Variants in SLCO4C1 observed in about 807,000 individuals in gnomAD.
SLCO4C1 encodes organic anion transporter M1.
SLCO4C1 carries 58 observed loss-of-function variants against 72.1 expected under a neutral mutation model. The observed-to-expected ratio is 0.80, with a 90% CI of 0.65 to 1.00. The LOEUF is 1.00. Ranked by LOEUF, SLCO4C1 falls within the 50% of genes least tolerant of loss-of-function variation. The probability of loss-of-function intolerance (pLI) is 0.00; values close to 1 mark genes in which losing one functional copy is unlikely to be tolerated. For missense variants in SLCO4C1, 898 were observed against 857.9 expected (o/e 1.05, Z -0.58); for synonymous variants, 297 against 312.5 (o/e 0.95, Z 0.52).
chr5:102,245,691 G>T (rs937414491), intron 10 of SLCO4C1, among the ~76,000 whole-genome samples: 1 of 152,186 alleles, frequency 6.6e-6, no homozygotes, highest in African/African-American at 2.4e-5. Flanking sequence ...AGACCAAATG[G>T]ATCTAATAGA....
chr5:102,267,532 T>G (rs1749063008), intron 3 of SLCO4C1, among the ~76,000 whole-genome samples: 3 of 151,798 alleles, frequency 2.0e-5, no homozygotes, highest in Non-Finnish European at 2.9e-5. Flanking sequence ...AGCAAATGGC[T>G]TTATTTTATC....
intron 1 of SLCO4C1, among the ~76,000 whole-genome samples, chr5:102,295,101 T>C (rs992375811): frequency 1.3e-5 from 2 of 152,180 alleles, no homozygotes; most frequent in African/African-American, 4.8e-5. Flanking sequence ...AACCTCTGTA[T>C]TGAACACACC....
At chr5:102,240,248 T>C (rs910601947) in intron 11 of SLCO4C1, among the ~76,000 whole-genome samples, 3 of 152,150 alleles carry the variant, frequency 2.0e-5, no homozygotes, top group Admixed American at 6.6e-5. Context: ...ACTATGTCTG[T>C]CTTTCTTGTA....
chr5:102,286,860 G>A (rs561134157), intron 2 of SLCO4C1, among the ~76,000 whole-genome samples: 2 of 151,972 alleles, frequency 1.3e-5, no homozygotes, highest in Admixed American at 1.3e-4. Flanking sequence ...ACGTTCTTTT[G>A]TGTTATTCTC....
chr5:102,279,535 G>A (rs886846330), intron 2 of SLCO4C1, among the ~76,000 whole-genome samples: 3 of 151,868 alleles, frequency 2.0e-5, no homozygotes, highest in African/African-American at 7.2e-5. Flanking sequence ...AAATAGTAGA[G>A]GAGGAACATT....
chr5:102,250,795 C>T (rs192406050), intron 8 of SLCO4C1, among the ~76,000 whole-genome samples: 39 of 152,098 alleles, frequency 2.6e-4, no homozygotes, highest in African/African-American at 9.2e-4. Flanking sequence ...TTGAGACCAG[C>T]CTGGCCAACA....
intron 2 of SLCO4C1, among the ~76,000 whole-genome samples, chr5:102,272,942 C>T (rs1749180367): frequency 6.7e-6 from 1 of 148,332 alleles, no homozygotes; most frequent in Non-Finnish European, 1.5e-5. Context: ...AAGACTTCAT[C>T]TCAAAAAAAG....
rs1749469262 is a variant in SLCO4C1 at position 102,287,218 on chromosome 5, C to T, written c.619+4125G>A. Among the ~76,000 whole-genome samples, 2 of 152,062 alleles carry T rather than the reference C, an allele frequency of 1.3e-5. 1 individual carries two copies. Among genetic ancestry groups the T allele is most frequent in the South Asian group, 4.1e-4 (2 of 4,828 alleles). Reference sequence around the variant, plus strand: ...TTGCAGTTTCCTTTTCCTAAGTTTTCTTCTCTACTCTCCCTAAAGTTTGAC... The same window carrying T: ...TTGCAGTTTCCTTTTCCTAAGTTTTTTTCTCTACTCTCCCTAAAGTTTGAC... On this transcript the variant is annotated intron_variant, in intron 2 of 12. Transcript: ENST00000310954.
chr5:102,244,907 G>GA (rs1465932913), intron 10 of SLCO4C1, among the ~76,000 whole-genome samples: 2 of 152,076 alleles, frequency 1.3e-5, no homozygotes, highest in Non-Finnish European at 2.9e-5. Flanking sequence ...ACTTCAATCA[G>GA]AAAAAGAACA....
chr5:102,252,834 A>G (rs967091625), intron 8 of SLCO4C1, among the ~76,000 whole-genome samples: 2 of 152,090 alleles, frequency 1.3e-5, no homozygotes, highest in Non-Finnish European at 2.9e-5. Flanking sequence ...AGTTTATTAA[A>G]TTTTCTTAGT....
rs1748400223 is a variant in SLCO4C1, at chr5:102,234,581, C to A, written c.*2277G>T. On this transcript the variant is annotated 3_prime_UTR_variant, in exon 13 of 13. Transcript: ENST00000310954. ...TTTATAAACGCCAATGATTTAGTGA[C>A]CTGTTTATCAAACTATTTCTATGGA... is the stretch of plus-strand genomic sequence containing the variant. 6.6e-6 allele frequency: 1 copy of A among 152,190 alleles called. No individual in the cohort carries two copies. Among genetic ancestry groups the A allele is most frequent in the Admixed American group, 6.6e-5 (1 of 15,256 alleles). 9.4% of individuals were successfully genotyped at this position (152,190 alleles called of 1,614,324 possible).
intron 2 of SLCO4C1, among the ~76,000 whole-genome samples, chr5:102,282,869 T>C (rs1749383021): frequency 6.6e-6 from 1 of 152,046 alleles, no homozygotes; most frequent in South Asian, 2.1e-4. Context: ...CCAAGGTGTG[T>C]TACCATGAAA....
rs149128282 is a variant in SLCO4C1, at chr5:102,239,927, A to T, written c.1877-539T>A. Among the ~76,000 whole-genome samples, 805 of 152,172 alleles carry T rather than the reference A, an allele frequency of 5.3e-3. 10 individuals are homozygous for T. Among genetic ancestry groups the T allele is most frequent in the African/African-American group, 0.019 (779 of 41,566 alleles). On this transcript the variant is annotated intron_variant, in intron 11 of 12. Transcript: ENST00000310954. ...CCGCCACCATTTCCAAGAGGCCATG[A>T]GGTACTCAACTTCCATATAGTTAAG...
intron 8 of SLCO4C1, among the ~76,000 whole-genome samples, chr5:102,251,434 T>C (rs1748737332): frequency 1.3e-5 from 2 of 152,042 alleles, no homozygotes; most frequent in Admixed American, 1.3e-4. Context: ...GATTTGGTGA[T>C]GGATTGGTTG....
At position 102,234,971 on chromosome 5, in the gene SLCO4C1, C is replaced by T. The variant is rs1186524268; in HGVS notation, c.*1887G>A. 1.3e-5 allele frequency: 2 copies of T among 152,114 alleles called. No individual in the cohort carries two copies. Among genetic ancestry groups the T allele is most frequent in the African/African-American group, 2.4e-5 (1 of 41,414 alleles). 9.4% of individuals were successfully genotyped at this position (152,114 alleles called of 1,614,324 possible). On this transcript the variant is annotated 3_prime_UTR_variant, in exon 13 of 13. Transcript: ENST00000310954. ...TCTCAAATATCTGGATTTTTGGCTA[C>T]CTATTTGGCTTCCGTCTTTGGTGTT... is the stretch of plus-strand genomic sequence containing the variant.
At chr5:102,295,716 A>G (rs1302241005) in intron 1 of SLCO4C1, among the ~76,000 whole-genome samples, 192 bp downstream of exon 1, 1 of 152,266 alleles carries the variant, frequency 6.6e-6, no homozygotes, top group African/African-American at 2.4e-5. Flanking sequence ...GAGAAGCTGA[A>G]CTTTGGAAGG....
At chr5:102,277,582 C>T (rs1285466175) in intron 2 of SLCO4C1, among the ~76,000 whole-genome samples, 2 of 152,092 alleles carry the variant, frequency 1.3e-5, no homozygotes, top group Non-Finnish European at 2.9e-5. Flanking sequence ...CAGTGGAGTT[C>T]TAGTGGAGAT....
At position 102,236,739 on chromosome 5, in the gene SLCO4C1, A is replaced by C. The variant is rs1748442749; in HGVS notation, c.*119T>G. ...GTAAAAAAATACATTTGATTATAAA[A>C]ACATCAATTTTGTAAATATGATTGT... On this transcript the variant is annotated 3_prime_UTR_variant, in exon 13 of 13. Transcript: ENST00000310954. 3.5e-6 allele frequency: 4 copies of C among 1,132,424 alleles called. No homozygotes were observed. Among genetic ancestry groups the C allele is most frequent in the South Asian group, 1.5e-5 (1 of 68,490 alleles). The allele number at this position is 1,132,424 out of a possible 1,614,324, so 70.1% of individuals were successfully genotyped here. A position where few individuals can be genotyped will look rare whatever the true frequency, so the allele number is the denominator to read the frequency against.
chr5:102,244,939 C>T (rs1219688737), intron 10 of SLCO4C1, among the ~76,000 whole-genome samples: 2 of 152,042 alleles, frequency 1.3e-5, no homozygotes, highest in South Asian at 2.1e-4. Context: ...TAAGTAATCA[C>T]CTGAAGGTAC....
Sources: gnomAD v4.1 joint callset for allele counts (sites outside exome capture counted in the v4.1 genomes callset) on GRCh38, gnomAD v4.1.1 for gene constraint, MANE v1.5 for transcripts, NCBI Gene and HGNC (gene_info 2026-07-23, HGNC 2026-07-21) for gene names.